Variants in HTR3B observed in about 807,000 individuals in gnomAD.
HTR3B encodes 5-hydroxytryptamine receptor 3B, also known as 5-hydroxytryptamine (serotonin) receptor 3B, ionotropic.
In HTR3B, 44 loss-of-function variants were observed where a neutral mutation model predicts 42.8. The ratio of observed to expected loss-of-function variants is 1.03; its 90% CI spans 0.81 to 1.32. The LOEUF is 1.32. HTR3B is among the 40% of genes most tolerant of loss of function. The pLI is 0.00. For missense variants in HTR3B, 527 were observed against 536.5 expected, an observed-to-expected ratio of 0.98 and a Z score of 0.17; for synonymous variants, 203 against 209.0, an observed-to-expected ratio of 0.97 and a Z score of 0.25.
At chr11:113,927,810 G>A (rs189977110) in intron 2 of HTR3B, among the ~76,000 whole-genome samples, 1 of 152,040 alleles carries the variant, frequency 6.6e-6, no homozygotes. Flanking sequence ...CTCCCACCTC[G>A]GCCTCCCAAA....
At position 113,944,669 on chromosome 11, in the gene HTR3B, A is replaced by T; in HGVS notation, c.1004A>T (p.Gln335Leu). The change falls in exon 8 of 9, where the codon CAG (glutamine) becomes CTG (leucine). Residue 335 changes from glutamine to leucine, a missense_variant. Gln to Leu is a moderately radical substitution (Grantham distance 113, BLOSUM62 -2). Coordinates refer to ENST00000260191, the MANE Select transcript of HTR3B (RefSeq NM_006028.5). ...CTCCATGATGAGCAGCGTGGTGGAC[A>T]GGAGCAGCCCTTCTTGTGCCTTCGA... Reference protein sequence around the residue: ...KFLHDEQRGGQEQPFLCLRGD... With the variant: ...KFLHDEQRGGLEQPFLCLRGD... 6.2e-7 allele frequency: 1 copy of T among 1,614,178 alleles called. No individual in the cohort carries two copies.
chr11:113,946,068 C>A lies in HTR3B; in HGVS notation c.1257C>A (p.Ser419Arg). The part of the protein sequence containing the change: ...LSRFDRLLFQ[S>R]YLFMLGIYTI... ...GCTTTGACCGACTGCTCTTCCAAAGCTACCTTTTCATGCTGGGGATCTACA... is the reference window on the plus strand; with the variant it reads ...GCTTTGACCGACTGCTCTTCCAAAGATACCTTTTCATGCTGGGGATCTACA... Residue 419 changes from serine (S) to arginine (R), a missense_variant, in exon 9 of 9, where the codon AGC (serine) becomes AGA (arginine). By Grantham distance (110) the Ser-to-Arg change is moderately radical. Coordinates refer to ENST00000260191, the MANE Select transcript of HTR3B (RefSeq NM_006028.5). 1 of 1,487,498 alleles carries A rather than the reference C, an allele frequency of 6.7e-7. No individual in the cohort carries two copies. The highest frequency in any genetic ancestry group is 1.4e-5 in the South Asian group (1 of 74,054). The allele number at this position is 1,487,498 out of a possible 1,614,324, so 92.1% of individuals were successfully genotyped here.
At chr11:113,914,933 T>C (rs989877721) in intron 2 of HTR3B, among the ~76,000 whole-genome samples, 1 of 152,222 alleles carries the variant, frequency 6.6e-6, no homozygotes, top group African/African-American at 2.4e-5. Flanking sequence ...TTTACACATA[T>C]TCAGTTTTTT....
chr11:113,919,207 T>A (rs1203326083), intron 2 of HTR3B, among the ~76,000 whole-genome samples: 1 of 152,208 alleles, frequency 6.6e-6, no homozygotes, highest in Non-Finnish European at 1.5e-5. Flanking sequence ...ATCATTAACT[T>A]ATTACAGTGT....
upstream of HTR3B, among the ~76,000 whole-genome samples, chr11:113,904,073 T>A (rs1031049220): frequency 6.6e-6 from 1 of 152,232 alleles, no homozygotes; most frequent in African/African-American, 2.4e-5. Flanking sequence ...AAATGGTATT[T>A]GTTTTTTCTT....
intron 2 of HTR3B, among the ~76,000 whole-genome samples, chr11:113,927,342 T>C (rs545086732): frequency 1.1e-4 from 17 of 152,292 alleles, no homozygotes; most frequent in African/African-American, 2.6e-4. Context: ...TATTTCTTTG[T>C]GGGACAGCTT....
Position 113,946,936 on chromosome 11 carries a change from GT to G in HTR3B, c.*800del, listed in dbSNP as rs1361630626. ...CAGCACAGGTTATTATTCACTTGTT[GT>G]GATTCCCATGGTCAACCTGGTACCA... is the stretch of plus-strand genomic sequence containing the variant. On this transcript the variant is annotated 3_prime_UTR_variant, in exon 9 of 9. Coordinates refer to ENST00000260191, the MANE Select transcript of HTR3B (RefSeq NM_006028.5). 6.6e-6 allele frequency among the ~76,000 whole-genome samples: 1 copy of G among 152,152 alleles called. No individual in the cohort carries two copies. The highest frequency in any genetic ancestry group is 2.4e-5 in the African/African-American group (1 of 41,440).
intron 8 of HTR3B, among the ~76,000 whole-genome samples, chr11:113,945,177 C>G (rs776659510): frequency 5.3e-5 from 8 of 152,178 alleles, no homozygotes; most frequent in Non-Finnish European, 1.2e-4. Context: ...CTCTGTCGCC[C>G]AGGCTTGACT....
upstream of HTR3B, among the ~76,000 whole-genome samples, chr11:113,900,290 C>G (rs1949688953): frequency 6.6e-6 from 1 of 151,986 alleles, no homozygotes; most frequent in African/African-American, 2.4e-5. Context: ...TGCCTAGCCC[C>G]TCATGATTCC....
chr11:113,925,413 A>ATTTT (rs1473590835), intron 2 of HTR3B, among the ~76,000 whole-genome samples: 4 of 139,362 alleles, frequency 2.9e-5, no homozygotes, highest in African/African-American at 1.1e-4. Context: ...TGTTTTACGA[A>ATTTT]TTTGTTTTTT....
intron 2 of HTR3B, among the ~76,000 whole-genome samples, chr11:113,913,884 T>C (rs1949824886): frequency 6.6e-6 from 1 of 152,090 alleles, no homozygotes; most frequent in South Asian, 2.1e-4. Context: ...GTAATTAGGA[T>C]GGTGGCTATA....
chr11:113,921,138 T>G (rs1243623659), intron 2 of HTR3B, among the ~76,000 whole-genome samples: 1 of 148,078 alleles, frequency 6.8e-6, no homozygotes, highest in African/African-American at 2.5e-5. Context: ...TGACTTCCTA[T>G]TTATTTTTAT....
chr11:113,939,341 C>T (rs1010546848), intron 6 of HTR3B, among the ~76,000 whole-genome samples: 2 of 152,154 alleles, frequency 1.3e-5, no homozygotes, highest in Admixed American at 6.5e-5. Context: ...TAATAATATG[C>T]AGGGTTAGTG....
chr11:113,909,215 G>A lies in HTR3B; in HGVS notation c.53-80G>A, dbSNP rs568288435. The A allele has an allele frequency of 3.8e-5, 41 of 1,085,762 alleles. No homozygotes were observed. The East Asian group carries it at 5.7e-4, about 15-fold the overall frequency. The allele number at this position is 1,085,762 out of a possible 1,614,324, so 67.3% of individuals were successfully genotyped here. A position where few individuals can be genotyped will look rare whatever the true frequency, so the allele number is the denominator to read the frequency against. On this transcript the variant is annotated intron_variant, in intron 1 of 8. Transcript: ENST00000260191. ...AAGCTATATTCTAGTAAAAGCCACC[G>A]AGTCCTGAACAGTCTGAAACCTCCT...
At chr11:113,929,309 A>G (rs1950008433) in intron 2 of HTR3B, among the ~76,000 whole-genome samples, 1 of 152,172 alleles carries the variant, frequency 6.6e-6, no homozygotes, top group South Asian at 2.1e-4. Context: ...CGTAACAAAT[A>G]CCACAGACTA....
intron 2 of HTR3B, among the ~76,000 whole-genome samples, chr11:113,910,295 C>G (rs903922088): frequency 6.6e-6 from 1 of 152,134 alleles, no homozygotes; most frequent in Non-Finnish European, 1.5e-5. Flanking sequence ...GGGAATGAAA[C>G]GAACACTGTG....
At chr11:113,902,763 T>C (rs1444363900), upstream of HTR3B, among the ~76,000 whole-genome samples, 1 of 152,238 alleles carries the variant, frequency 6.6e-6, no homozygotes, top group Non-Finnish European at 1.5e-5. Flanking sequence ...AAATGTTCTT[T>C]ATAACAAAAG....
At chr11:113,931,524 T>A in intron 3 of HTR3B, 96 bp downstream of exon 3, 1 of 817,608 alleles carries the variant, frequency 1.2e-6, no homozygotes. Flanking sequence ...TCTTTGTATT[T>A]ATAGTTTCTT....
At chr11:113,927,042 A>G (rs1949982608) in intron 2 of HTR3B, among the ~76,000 whole-genome samples, 1 of 152,180 alleles carries the variant, frequency 6.6e-6, no homozygotes, top group South Asian at 2.1e-4. Flanking sequence ...CTTATTGGCC[A>G]TTTGTATATC....
Sources: gnomAD v4.1 joint callset for allele counts (sites outside exome capture counted in the v4.1 genomes callset) on GRCh38, gnomAD v4.1.1 for gene constraint, MANE v1.5 for transcripts, NCBI Gene and HGNC (gene_info 2026-07-23, HGNC 2026-07-21) for gene names.